Variants in TUSC3 observed in about 807,000 individuals in gnomAD.
TUSC3 encodes the protein tumor suppressor candidate 3, also known as dolichyl-diphosphooligosaccharide--protein glycosyltransferase subunit TUSC3.
TUSC3 carries 45 observed loss-of-function variants against 44.8 expected under a neutral mutation model. The observed-to-expected ratio is 1.00, with a 90% CI of 0.79 to 1.29. The LOEUF is 1.29. TUSC3 is among the 50% of genes most tolerant of loss of function. The probability of loss-of-function intolerance (pLI) is 0.00; values close to 1 mark genes in which losing one functional copy is unlikely to be tolerated. For missense variants in TUSC3, 519 were observed against 437.9 expected (o/e 1.19, Z -1.65); for synonymous variants, 212 against 152.9 (o/e 1.39, Z -2.85).
chr8:15,605,964 A>T lies in TUSC3; in HGVS notation c.139-17116A>T, dbSNP rs1035038643. 2.0e-5 allele frequency among the ~76,000 whole-genome samples: 3 copies of T among 152,010 alleles called. No homozygotes were observed. The East Asian group carries it at 5.8e-4, about 29-fold the overall frequency. ...CTGATCATCTCCATGTGAGCCCTTC[A>T]TCTCTCCAGTGAGTTGCATATTGCA... On this transcript the variant is annotated intron_variant, in intron 1 of 10. Coordinates refer to ENST00000503731, the MANE Select transcript of TUSC3 (RefSeq NM_006765.4).
At chr8:15,774,608 T>C in the TUSC3 span, among the ~76,000 whole-genome samples, 1 of 152,292 alleles carries the variant, frequency 6.6e-6, no homozygotes, top group Admixed American at 6.5e-5. Flanking sequence ...TTCTGTTCTT[T>C]TAACCCATCC....
At chr8:15,520,549 A>G (rs1801283651) in intron 2 of TUSC3, among the ~76,000 whole-genome samples, 1 of 152,216 alleles carries the variant, frequency 6.6e-6, no homozygotes, top group African/African-American at 2.4e-5. Flanking sequence ...ATGCCTTGAA[A>G]CATTCCTGCC....
At chr8:15,494,676 A>T (rs902869024) in intron 2 of TUSC3, among the ~76,000 whole-genome samples, 3 of 152,174 alleles carry the variant, frequency 2.0e-5, no homozygotes, top group African/African-American at 7.2e-5. Context: ...CTATTTAAAC[A>T]ATGTTATGTC....
At chr8:15,602,666 A>ATATG (rs376693199) in intron 1 of TUSC3, among the ~76,000 whole-genome samples, 1 of 145,872 alleles carries the variant, frequency 6.9e-6, no homozygotes, top group Non-Finnish European at 1.5e-5. Flanking sequence ...AAATATTTAT[A>ATATG]TGTGTGTGTG....
chr8:15,482,317 T>C (rs1287019687), intron 1 of TUSC3, among the ~76,000 whole-genome samples: 1 of 152,218 alleles, frequency 6.6e-6, no homozygotes, highest in Non-Finnish European at 1.5e-5. Flanking sequence ...AAACTCCTGT[T>C]AATACTATTG....
chr8:15,771,432 T>TC (rs1227363519), downstream of TUSC3, among the ~76,000 whole-genome samples: 3 of 152,138 alleles, frequency 2.0e-5, no homozygotes, highest in African/African-American at 7.2e-5. Flanking sequence ...AAAGGACAAC[T>TC]GAGAGTCATA....
At chr8:15,667,014 A>G (rs1807691486) in intron 5 of TUSC3, among the ~76,000 whole-genome samples, 1 of 151,642 alleles carries the variant, frequency 6.6e-6, no homozygotes, top group Admixed American at 6.6e-5. Flanking sequence ...GATAGATTTT[A>G]GCATTTGAAT....
chr8:15,800,077 G>A, the TUSC3 span, among the ~76,000 whole-genome samples: 727 of 152,274 alleles, frequency 4.8e-3, 10 homozygotes, highest in African/African-American at 0.017. Context: ...ATCTTCCAAA[G>A]TTGTAAGCAA....
At chr8:15,797,743 G>T in the TUSC3 span, among the ~76,000 whole-genome samples, 1 of 152,106 alleles carries the variant, frequency 6.6e-6, no homozygotes, top group East Asian at 1.9e-4. Context: ...CTTGGTGCTG[G>T]GCCTATGTCA....
chr8:15,739,774 C>G (rs1243265724), intron 7 of TUSC3, among the ~76,000 whole-genome samples: 2 of 152,160 alleles, frequency 1.3e-5, no homozygotes, highest in Non-Finnish European at 2.9e-5. Context: ...CAATTATGTT[C>G]TTTGCCCAAT....
intron 7 of TUSC3, among the ~76,000 whole-genome samples, chr8:15,732,184 T>C (rs182771706): frequency 6.6e-6 from 1 of 152,160 alleles, no homozygotes; most frequent in Non-Finnish European, 1.5e-5. Flanking sequence ...TATGGGTTGA[T>C]TCCTTAGTGA....
At chr8:15,532,720 A>G (rs1032418628) in intron 2 of TUSC3, among the ~76,000 whole-genome samples, 3 of 152,120 alleles carry the variant, frequency 2.0e-5, no homozygotes, top group Non-Finnish European at 4.4e-5. Context: ...TGTGGGTGGG[A>G]CCCAGTGGGA....
At chr8:15,847,770 AG>A in the TUSC3 span, among the ~76,000 whole-genome samples, 17 of 152,176 alleles carry the variant, frequency 1.1e-4, no homozygotes, top group African/African-American at 4.1e-4. Flanking sequence ...CTTTTCTCAT[AG>A]AGTAGCAATG....
chr8:15,782,988 C>A, the TUSC3 span, among the ~76,000 whole-genome samples: 1 of 151,926 alleles, frequency 6.6e-6, no homozygotes, highest in Non-Finnish European at 1.5e-5. Flanking sequence ...CCAAAAAAAC[C>A]GTTATAACTA....
At chr8:15,675,911 C>G (rs1287178716) in intron 6 of TUSC3, among the ~76,000 whole-genome samples, 1 of 152,054 alleles carries the variant, frequency 6.6e-6, no homozygotes, top group Non-Finnish European at 1.5e-5. Context: ...GTGTATGTGT[C>G]TTTTTTGTAG....
chr8:15,790,416 C>T, the TUSC3 span, among the ~76,000 whole-genome samples: 8 of 152,132 alleles, frequency 5.3e-5, no homozygotes, highest in South Asian at 1.5e-3. Context: ...ATGTCTTAAC[C>T]TCATGATCCA....
At chr8:15,697,162 T>A (rs1320460436) in intron 6 of TUSC3, among the ~76,000 whole-genome samples, 1 of 152,200 alleles carries the variant, frequency 6.6e-6, no homozygotes, top group African/African-American at 2.4e-5. Context: ...TGTTTGGATT[T>A]TGTCTCTATT....
intron 1 of TUSC3, among the ~76,000 whole-genome samples, chr8:15,427,153 T>C (rs758858545): frequency 6.6e-6 from 1 of 151,642 alleles, no homozygotes; most frequent in East Asian, 1.9e-4. Flanking sequence ...ATACATAGTT[T>C]ACAAATACTT....
intron 2 of TUSC3, among the ~76,000 whole-genome samples, chr8:15,530,394 A>G (rs1801434202): frequency 6.6e-6 from 1 of 152,188 alleles, no homozygotes; most frequent in Non-Finnish European, 1.5e-5. Flanking sequence ...CTACTATCAT[A>G]ATGGGAGTTA....
Sources: gnomAD v4.1 joint callset for allele counts (sites outside exome capture counted in the v4.1 genomes callset) on GRCh38, gnomAD v4.1.1 for gene constraint, MANE v1.5 for transcripts, NCBI Gene and HGNC (gene_info 2026-07-23, HGNC 2026-07-21) for gene names.